AGMO: variants seen among roughly 807,000 people sequenced by gnomAD.
The protein encoded by AGMO is alkylglycerol monooxygenase, also known as glyceryl-ether monooxygenase.
In AGMO, 75 loss-of-function variants were observed where a neutral mutation model predicts 60.2. The observed-to-expected ratio is 1.25, with a 90% confidence interval of 1.03 to 1.51. AGMO has a LOEUF of 1.51. Among genes scored for constraint, AGMO ranks in the 40% most tolerant of loss-of-function variants. AGMO has a pLI of 0.00. For missense variants in AGMO, 763 were observed against 525.5 expected (o/e 1.45, Z -4.42); for synonymous variants, 261 against 177.1 (o/e 1.47, Z -3.76).
At chr7:15,373,826 T>A (rs577946197) in intron 10 of AGMO, among the ~76,000 whole-genome samples, 1 of 152,336 alleles carries the variant, frequency 6.6e-6, no homozygotes, top group South Asian at 2.1e-4. Context: ...ACGTTTTTAG[T>A]AGTTTCTCTA....
intron 3 of AGMO, among the ~76,000 whole-genome samples, chr7:15,449,505 A>T (rs948097902): frequency 1.3e-5 from 2 of 152,214 alleles, no homozygotes; most frequent in African/African-American, 4.8e-5. Context: ...TTAGATATAC[A>T]AATAATTACC....
At chr7:15,275,330 C>A (rs756938501) in intron 12 of AGMO, among the ~76,000 whole-genome samples, 1 of 152,014 alleles carries the variant, frequency 6.6e-6, no homozygotes, top group Non-Finnish European at 1.5e-5. Context: ...AGTTATTTTA[C>A]ATGAATTTGT....
chr7:15,485,745 G>T (rs1004317594), intron 3 of AGMO, among the ~76,000 whole-genome samples: 6 of 151,746 alleles, frequency 4.0e-5, no homozygotes, highest in Admixed American at 1.3e-4. Context: ...TCATTACCAG[G>T]ATTGTGTTAC....
chr7:15,435,494 A>T (rs1038404702), intron 3 of AGMO, among the ~76,000 whole-genome samples: 1 of 152,124 alleles, frequency 6.6e-6, no homozygotes, highest in Non-Finnish European at 1.5e-5. Context: ...CAATGGCTCT[A>T]TGTACCTAAT....
At chr7:15,530,845 T>C (rs1432940531) in intron 3 of AGMO, among the ~76,000 whole-genome samples, 3 of 138,848 alleles carry the variant, frequency 2.2e-5, no homozygotes, top group African/African-American at 5.2e-5. Flanking sequence ...TATATATATA[T>C]ATTCTATATA....
At chr7:15,263,378 G>T (rs752220052) in intron 12 of AGMO, among the ~76,000 whole-genome samples, 6 of 149,984 alleles carry the variant, frequency 4.0e-5, no homozygotes, top group Non-Finnish European at 7.4e-5. Flanking sequence ...ACCACAATGC[G>T]ATAACACCTC....
At chr7:15,337,925 G>C (rs183925744) in intron 12 of AGMO, among the ~76,000 whole-genome samples, 1 of 152,282 alleles carries the variant, frequency 6.6e-6, no homozygotes, top group East Asian at 1.9e-4. Context: ...GCTGAGGAAA[G>C]CGATGAAAAT....
At chr7:15,179,837 G>C in the AGMO span, among the ~76,000 whole-genome samples, 1 of 152,088 alleles carries the variant, frequency 6.6e-6, no homozygotes, top group Admixed American at 6.6e-5. Flanking sequence ...TTATCAACCG[G>C]TAGACACTGC....
At chr7:15,303,165 C>CGGCA (rs1780501323) in intron 12 of AGMO, among the ~76,000 whole-genome samples, 1 of 151,872 alleles carries the variant, frequency 6.6e-6, no homozygotes, top group South Asian at 2.1e-4. Context: ...ATTAAGATGG[C>CGGCA]GGCACAGATG....
chr7:15,381,812 A>T (rs1783702175), intron 10 of AGMO, among the ~76,000 whole-genome samples: 1 of 152,206 alleles, frequency 6.6e-6, no homozygotes, highest in Non-Finnish European at 1.5e-5. Flanking sequence ...AAAATTAGGT[A>T]AGTATACACC....
At chr7:15,184,887 T>A in the AGMO span, among the ~76,000 whole-genome samples, 4 of 9,146 alleles carry the variant, frequency 4.4e-4, no homozygotes, top group South Asian at 5.9e-3. Flanking sequence ...AAGGAAGGAA[T>A]GAAGGAAAGA....
At chr7:15,436,243 G>C (rs1432533112) in intron 3 of AGMO, among the ~76,000 whole-genome samples, 1 of 152,168 alleles carries the variant, frequency 6.6e-6, no homozygotes, top group Non-Finnish European at 1.5e-5. Context: ...GAATACCTGA[G>C]GCTGTGGAAT....
At chr7:15,511,215 C>T (rs1348694241) in intron 3 of AGMO, among the ~76,000 whole-genome samples, 1 of 152,094 alleles carries the variant, frequency 6.6e-6, no homozygotes, top group Non-Finnish European at 1.5e-5. Flanking sequence ...CACTCACACA[C>T]CCACCCACAT....
intron 12 of AGMO, among the ~76,000 whole-genome samples, chr7:15,320,976 C>A (rs1781091575): frequency 6.6e-6 from 1 of 152,138 alleles, no homozygotes; most frequent in African/African-American, 2.4e-5. Context: ...AGGAAACTCT[C>A]CCTCACTCCC....
At chr7:15,449,309 T>A (rs1216589005) in intron 3 of AGMO, among the ~76,000 whole-genome samples, 2 of 149,092 alleles carry the variant, frequency 1.3e-5, no homozygotes, top group African/African-American at 5.0e-5. Context: ...GCCTGAAATT[T>A]AGCATATTAA....
chr7:15,166,218 A>C, the AGMO span, among the ~76,000 whole-genome samples: 199 of 151,072 alleles, frequency 1.3e-3, no homozygotes, highest in Non-Finnish European at 1.6e-3. Context: ...AGAAGAGGAG[A>C]GCAGGCTGCT....
At chr7:15,406,965 T>G (rs1489513487) in intron 5 of AGMO, among the ~76,000 whole-genome samples, 13 of 141,948 alleles carry the variant, frequency 9.2e-5, no homozygotes, top group African/African-American at 3.4e-4. Flanking sequence ...ATATTCCATA[T>G]AAGTACACAT....
intron 3 of AGMO, among the ~76,000 whole-genome samples, chr7:15,502,350 A>T (rs908994773): frequency 1.3e-5 from 2 of 151,836 alleles, no homozygotes; most frequent in Non-Finnish European, 2.9e-5. Context: ...AGCATGGGTG[A>T]ATGCAAGAGG....
intron 3 of AGMO, among the ~76,000 whole-genome samples, chr7:15,542,804 C>T (rs1013916822): frequency 2.6e-5 from 4 of 152,176 alleles, no homozygotes; most frequent in Non-Finnish European, 5.9e-5. Context: ...GTGTCAGGAA[C>T]TGACCTATTA....
Sources: allele counts gnomAD v4.1 joint callset (sites outside exome capture counted in the v4.1 genomes callset), GRCh38; gene constraint gnomAD v4.1.1; transcripts MANE v1.5; gene names NCBI Gene and HGNC (gene_info 2026-07-23, HGNC 2026-07-21).